The following SLC4A8 variants were observed in gnomAD, a reference collection of about 807,000 sequenced individuals.
SLC4A8 encodes electroneutral sodium bicarbonate exchanger 1.
A neutral mutation model predicts 125.0 loss-of-function variants in SLC4A8; 40 were observed. That is an observed-to-expected ratio of 0.32 (90% CI 0.25 to 0.42). The LOEUF (loss-of-function observed/expected upper bound fraction) is 0.42, where lower values mean the gene tolerates loss of function less well. Ranked by LOEUF, SLC4A8 falls within the 10% of genes least tolerant of loss-of-function variation. The probability of loss-of-function intolerance (pLI) is 1.00; values close to 1 mark genes in which losing one functional copy is unlikely to be tolerated. For synonymous variants in SLC4A8, 456 were observed against 476.0 expected (o/e 0.96, Z 0.55); for missense variants, 863 against 1,355.1 (o/e 0.64, Z 5.70).
chr12:51,489,995 T>C, intron 19 of SLC4A8, 44 bp downstream of exon 19: 1 of 1,590,092 alleles, frequency 6.3e-7, no homozygotes. Context: ...AGGGCCTGAT[T>C]TGTGCCAGGA....
Position 51,452,112 on chromosome 12 carries a change from T to A in SLC4A8, c.278-12T>A. On this transcript the variant is annotated splice_polypyrimidine_tract_variant and intron_variant, in intron 3 of 24. Coordinates refer to ENST00000453097, the MANE Select transcript of SLC4A8 (RefSeq NM_001039960.3). ...GGCTAGAGCAGACCTTTCTCTTTGGTTGATTTCCTAGACACACCATCTCAG... is the reference window on the plus strand; with the variant it reads ...GGCTAGAGCAGACCTTTCTCTTTGGATGATTTCCTAGACACACCATCTCAG... The A allele has an allele frequency of 6.2e-7, 1 of 1,614,136 alleles. No homozygotes were observed. Among genetic ancestry groups the A allele is most frequent in the Non-Finnish European group, 8.5e-7 (1 of 1,179,972 alleles).
At chr12:51,395,821 G>GTTAATGATA (rs1245853842) in intron 1 of SLC4A8, among the ~76,000 whole-genome samples, 12 of 152,230 alleles carry the variant, frequency 7.9e-5, no homozygotes. Flanking sequence ...GTGAAGTGCA[G>GTTAATGATA]TTAATGATAC....
intron 12 of SLC4A8, 38 bp downstream of exon 12, chr12:51,469,826 G>T: frequency 1.3e-6 from 2 of 1,599,080 alleles, no homozygotes; most frequent in South Asian, 1.1e-5. Context: ...TCCCAAACAA[G>T]ACCTAAAATA....
rs535790745 is a variant in SLC4A8 at position 51,459,738 on chromosome 12, G to A, written c.856-213G>A. On this transcript the variant is annotated intron_variant, in intron 7 of 24. Coordinates refer to ENST00000453097, the MANE Select transcript of SLC4A8 (RefSeq NM_001039960.3). ...TACAGAAAAATTAGCTGGACATGGT[G>A]GTGCATGCCTGTAATTCCAGCTACT... Among the ~76,000 whole-genome samples, 264 of 152,162 alleles carry A rather than the reference G, an allele frequency of 1.7e-3. 2 individuals carry two copies. The highest frequency in any genetic ancestry group is 6.1e-3 in the African/African-American group (253 of 41,496).
chr12:51,396,495 A>AG (rs925114746), intron 1 of SLC4A8, among the ~76,000 whole-genome samples: 1 of 25,072 alleles, frequency 4.0e-5, no homozygotes, highest in African/African-American at 1.3e-4. Flanking sequence ...CAATATTTTA[A>AG]AAAAATCAAA....
chr12:51,477,093 G>A (rs1304254665), intron 16 of SLC4A8, among the ~76,000 whole-genome samples: 4 of 151,540 alleles, frequency 2.6e-5, no homozygotes, highest in African/African-American at 7.3e-5. Context: ...TAGTAGAGAC[G>A]GGGTTTCTCC....
chr12:51,494,947 C>G lies in SLC4A8; in HGVS notation c.2772C>G (p.Phe924Leu). The change falls in exon 21 of 25, where the codon TTC (phenylalanine) becomes TTG (leucine). Residue 924 changes from phenylalanine (F) to leucine (L), a missense_variant and splice_region_variant. Phe to Leu is a conservative substitution (Grantham distance 22). Coordinates refer to ENST00000453097, the MANE Select transcript of SLC4A8 (RefSeq NM_001039960.3). ...AAATGCCAGTTCCTTCCTTTCAGTT[C>G]TTTGATCGTCTAAAGCTCTTTGGGA... ...MGVSSLQGIQ[F>L]FDRLKLFGMP... 1 of 1,613,068 alleles carries G rather than the reference C, an allele frequency of 6.2e-7. No homozygotes were observed. The highest frequency in any genetic ancestry group is 8.5e-7 in the Non-Finnish European group (1 of 1,179,350).
intron 16 of SLC4A8, chr12:51,480,549 G>A (rs192970388): frequency 2.6e-4 from 260 of 987,262 alleles, no homozygotes; most frequent in Middle Eastern, 5.2e-4. Context: ...CTTTCTTCCC[G>A]TAAATATCTT....
rs530574956 is a variant in SLC4A8, at chr12:51,514,509, T to G, written c.*7071T>G. The G allele has an allele frequency of 3.1e-4, 47 of 152,320 alleles. No homozygotes were observed. The highest frequency in any genetic ancestry group is 2.2e-3 in the Admixed American group (33 of 15,298). 9.4% of individuals were successfully genotyped at this position (152,320 alleles called of 1,614,324 possible). A position where few individuals can be genotyped will look rare whatever the true frequency, so the allele number is the denominator to read the frequency against. On this transcript the variant is annotated 3_prime_UTR_variant, in exon 25 of 25. Coordinates refer to ENST00000453097, the MANE Select transcript of SLC4A8 (RefSeq NM_001039960.3). ...CAGAGGTCCTAAAACCACCACCAGC[T>G]GGGGGTGCTGAGAATGGTGAGGAGT...
At position 51,471,379 on chromosome 12, in the gene SLC4A8, C is replaced by T; in HGVS notation, c.1751C>T (p.Ser584Phe). 6.2e-7 allele frequency: 1 copy of T among 1,614,066 alleles called. No individual in the cohort carries two copies. ...CIVLVATDAS[S>F]LVCYITRFTE... ...GTCCTTGTGGCAACTGATGCCAGTT[C>T]CCTTGTCTGCTACATTACCCGTTTC... is the stretch of plus-strand genomic sequence containing the variant. Residue 584 changes from serine to phenylalanine, a missense_variant, in exon 14 of 25, where the codon TCC becomes TTC. By Grantham distance (155) the Ser-to-Phe change is radical. This residue lies in a region of SLC4A8 where 390 missense variants were observed against 634.4 expected (regional missense o/e 0.61). Coordinates refer to ENST00000453097, the MANE Select transcript of SLC4A8 (RefSeq NM_001039960.3).
chr12:51,406,930 G>A (rs1295572781), intron 1 of SLC4A8, among the ~76,000 whole-genome samples: 1 of 152,230 alleles, frequency 6.6e-6, no homozygotes, highest in Non-Finnish European at 1.5e-5. Flanking sequence ...GAAAGGAAGT[G>A]GATACTGGAG....
At chr12:51,467,301 A>C (rs1008224638) in intron 11 of SLC4A8, 3 of 152,256 alleles carry the variant, frequency 2.0e-5, no homozygotes, top group Admixed American at 1.3e-4. Context: ...GGTTTGCCAG[A>C]TAGGCTAAAA....
rs1286183499 is a variant in SLC4A8 at position 51,477,505 on chromosome 12, G to T, written c.2172+2299G>T. Among the ~76,000 whole-genome samples, 7 of 152,334 alleles carry T rather than the reference G, an allele frequency of 4.6e-5. No homozygotes were observed. The East Asian group carries it at 9.6e-4, about 21-fold the overall frequency. Reference sequence around the variant, plus strand: ...GGTTTGTGATATTTGGTGGTACAATGCCAAATGCCCACAGCAGCATTATAT... The same window carrying T: ...GGTTTGTGATATTTGGTGGTACAATTCCAAATGCCCACAGCAGCATTATAT... On this transcript the variant is annotated intron_variant, in intron 16 of 24. Coordinates refer to ENST00000453097, the MANE Select transcript of SLC4A8 (RefSeq NM_001039960.3).
rs547755088 is a variant in SLC4A8 at position 51,431,995 on chromosome 12, C to T, written c.48+6960C>T. 4.8e-4 allele frequency among the ~76,000 whole-genome samples: 73 copies of T among 152,266 alleles called. 1 individual carries two copies. Among genetic ancestry groups the T allele is most frequent in the Non-Finnish European group, 9.7e-4 (66 of 68,020 alleles). On this transcript the variant is annotated intron_variant, in intron 1 of 24. Transcript: ENST00000453097. The stretch of plus-strand genomic sequence containing the variant: ...ACAGACTTGATTAGAGTTCTTATCT[C>T]ACTTAGCTTTTGTGAGATCTTAGCC...
rs1950164333 is a variant in SLC4A8, at chr12:51,456,784, C to T, written c.575-567C>T. Among the ~76,000 whole-genome samples the T allele has an allele frequency of 5.3e-5, 8 of 152,132 alleles. No individual in the cohort carries two copies. The South Asian group carries it at 1.7e-3, about 32-fold the overall frequency. On this transcript the variant is annotated intron_variant, in intron 5 of 24. Coordinates refer to ENST00000453097, the MANE Select transcript of SLC4A8 (RefSeq NM_001039960.3). Reference sequence around the variant, plus strand: ...TTTTTTCCTCCTCAAATCTGTTGGGCTTGATAGGTTTAAATGTGATGCTTG... The same window carrying T: ...TTTTTTCCTCCTCAAATCTGTTGGGTTTGATAGGTTTAAATGTGATGCTTG...
At chr12:51,415,465 T>C (rs1279396001) in intron 1 of SLC4A8, among the ~76,000 whole-genome samples, 1 of 152,134 alleles carries the variant, frequency 6.6e-6, no homozygotes, top group Non-Finnish European at 1.5e-5. Flanking sequence ...GGTTCAATCT[T>C]GGTAGGTGGT....
At chr12:51,447,672 C>A (rs990639579) in intron 2 of SLC4A8, among the ~76,000 whole-genome samples, 19 of 151,824 alleles carry the variant, frequency 1.3e-4, no homozygotes, top group Non-Finnish European at 2.8e-4. Flanking sequence ...TAGATATTTC[C>A]CCCCCAGAAT....
intron 1 of SLC4A8, among the ~76,000 whole-genome samples, chr12:51,398,160 G>C (rs977568951): frequency 6.6e-6 from 1 of 152,130 alleles, no homozygotes; most frequent in Non-Finnish European, 1.5e-5. Context: ...ACTACTTTTT[G>C]CAAGTCTGTC....
chr12:51,453,009 G>C (rs900089540), intron 4 of SLC4A8, among the ~76,000 whole-genome samples: 2 of 152,170 alleles, frequency 1.3e-5, no homozygotes, highest in East Asian at 3.8e-4. Context: ...ATTCAAACAG[G>C]CCAATTGACC....
Sources: gnomAD v4.1 joint callset for allele counts (sites outside exome capture counted in the v4.1 genomes callset) on GRCh38, gnomAD v4.1.1 for gene constraint, gnomAD v4.1.1 regional missense constraint, MANE v1.5 for transcripts, NCBI Gene and HGNC (gene_info 2026-07-23, HGNC 2026-07-21) for gene names.